The following NKAIN2 variants were observed in gnomAD, a reference collection of about 807,000 sequenced individuals.
NKAIN2 encodes the protein sodium/potassium-transporting ATPase subunit beta-1-interacting protein 2.
Under a neutral mutation model 32.6 loss-of-function variants are expected in NKAIN2, and 14 were observed. That is an observed-to-expected ratio of 0.43 (90% CI 0.28 to 0.67). The LOEUF is 0.67. Ranked by LOEUF, NKAIN2 falls within the 30% of genes least tolerant of loss-of-function variation. NKAIN2 has a pLI of 0.17. For missense variants in NKAIN2, 198 were observed against 258.3 expected (o/e 0.77, Z 1.60); for synonymous variants, 80 against 87.2 (o/e 0.92, Z 0.46).
At chr6:124,586,566 A>T (rs1450338129) in intron 3 of NKAIN2, among the ~76,000 whole-genome samples, 1 of 151,970 alleles carries the variant, frequency 6.6e-6, no homozygotes, top group Non-Finnish European at 1.5e-5. Context: ...CATGTAACAA[A>T]TCTGCACAGG....
At chr6:124,084,249 A>G (rs534983303) in intron 1 of NKAIN2, among the ~76,000 whole-genome samples, 2 of 152,110 alleles carry the variant, frequency 1.3e-5, no homozygotes, top group South Asian at 4.1e-4. Context: ...GCCATCTACC[A>G]CATAACGATT....
At chr6:123,940,583 G>A (rs73555207) in intron 1 of NKAIN2, among the ~76,000 whole-genome samples, 6,918 of 152,022 alleles carry the variant, frequency 0.046, 506 homozygotes, top group African/African-American at 0.15. Flanking sequence ...TATATTGTAG[G>A]CACTTGTAAC....
chr6:124,051,173 A>G (rs2114833678), intron 1 of NKAIN2, among the ~76,000 whole-genome samples: 1 of 152,142 alleles, frequency 6.6e-6, no homozygotes, highest in South Asian at 2.1e-4. Flanking sequence ...GTCATGGTGA[A>G]CTTTATAGAC....
At chr6:124,687,283 G>GT (rs1562324425) in intron 4 of NKAIN2, among the ~76,000 whole-genome samples, 23 of 138,998 alleles carry the variant, frequency 1.7e-4, no homozygotes, top group African/African-American at 6.1e-4. Flanking sequence ...TATAGAGAGA[G>GT]AATATATATA....
chr6:124,213,782 T>C (rs1359933545), intron 1 of NKAIN2, among the ~76,000 whole-genome samples: 1 of 152,152 alleles, frequency 6.6e-6, no homozygotes, highest in Non-Finnish European at 1.5e-5. Context: ...TTTTTCTTGC[T>C]TTTTACAAAA....
intron 4 of NKAIN2, among the ~76,000 whole-genome samples, chr6:124,760,103 C>A (rs535162141): frequency 5.3e-5 from 8 of 152,136 alleles, no homozygotes; most frequent in Admixed American, 1.3e-4. Context: ...AGATCATGTT[C>A]TTTGCAGGAA....
chr6:124,349,383 T>C (rs1266640127), intron 2 of NKAIN2, among the ~76,000 whole-genome samples: 2 of 152,074 alleles, frequency 1.3e-5, no homozygotes, highest in African/African-American at 2.4e-5. Flanking sequence ...CCCTTTTTAC[T>C]TGGCTGCCTC....
At chr6:124,135,724 G>A (rs1231495658) in intron 1 of NKAIN2, among the ~76,000 whole-genome samples, 1 of 151,856 alleles carries the variant, frequency 6.6e-6, no homozygotes, top group Non-Finnish European at 1.5e-5. Context: ...AACTCCAAAA[G>A]GAACCCTCAA....
intron 3 of NKAIN2, among the ~76,000 whole-genome samples, chr6:124,398,621 A>G (rs955972040): frequency 2.2e-4 from 34 of 152,178 alleles, no homozygotes; most frequent in Non-Finnish European, 4.3e-4. Context: ...GATGATTAAA[A>G]CTACAGGTGG....
At chr6:123,999,169 C>G (rs1779772924) in intron 1 of NKAIN2, among the ~76,000 whole-genome samples, 1 of 152,116 alleles carries the variant, frequency 6.6e-6, no homozygotes, top group African/African-American at 2.4e-5. Context: ...AAGGTTACAT[C>G]ATTTGGGTAT....
At chr6:124,196,164 AC>A (rs1202335134) in intron 1 of NKAIN2, among the ~76,000 whole-genome samples, 2 of 152,130 alleles carry the variant, frequency 1.3e-5, no homozygotes, top group African/African-American at 4.8e-5. Flanking sequence ...TAGCTCATTC[AC>A]ATTCATCATT....
intron 4 of NKAIN2, among the ~76,000 whole-genome samples, chr6:124,689,405 GCTTTT>G (rs1263056371): frequency 1.3e-5 from 2 of 151,926 alleles, no homozygotes; most frequent in African/African-American, 4.8e-5. Context: ...CCATACTGTT[GCTTTT>G]CTTTTCATTC....
chr6:124,285,674 A>G (rs1795505239), intron 2 of NKAIN2, among the ~76,000 whole-genome samples: 1 of 152,122 alleles, frequency 6.6e-6, no homozygotes, highest in Admixed American at 6.6e-5. Context: ...AACAAACTAC[A>G]GTTGACCCTT....
chr6:124,426,916 C>T (rs1371063273), intron 3 of NKAIN2, among the ~76,000 whole-genome samples: 1 of 152,150 alleles, frequency 6.6e-6, no homozygotes, highest in Non-Finnish European at 1.5e-5. Context: ...ATGTACCTTT[C>T]ACCTTCCACC....
intron 2 of NKAIN2, among the ~76,000 whole-genome samples, chr6:124,348,252 G>A (rs957810781): frequency 1.7e-4 from 26 of 151,922 alleles, no homozygotes; most frequent in Non-Finnish European, 2.2e-4. Context: ...CCCACTGGGG[G>A]GTGCCTCTCA....
intron 3 of NKAIN2, among the ~76,000 whole-genome samples, chr6:124,555,444 A>G (rs1780438586): frequency 6.6e-6 from 1 of 152,214 alleles, no homozygotes; most frequent in Admixed American, 6.5e-5. Context: ...ATAGCATACA[A>G]TAAAACTCTA....
Position 123,813,166 on chromosome 6 carries a change from A to G in NKAIN2, c.54+8912A>G, listed in dbSNP as rs548517861. On this transcript the variant is annotated intron_variant, in intron 1 of 6. Coordinates refer to ENST00000368417, the MANE Select transcript of NKAIN2 (RefSeq NM_001040214.3). ...GTTATAAGAACCTCTGCAAGCCACAATGAGAAGAGAAAATTATACTGGGGT... is the reference window on the plus strand; with the variant it reads ...GTTATAAGAACCTCTGCAAGCCACAGTGAGAAGAGAAAATTATACTGGGGT... Among the ~76,000 whole-genome samples, 8 of 152,348 alleles carry G rather than the reference A, an allele frequency of 5.3e-5. No individual in the cohort carries two copies. The East Asian group carries it at 7.7e-4, about 15-fold the overall frequency.
intron 1 of NKAIN2, among the ~76,000 whole-genome samples, chr6:123,819,178 C>T (rs187381715): frequency 6.8e-4 from 103 of 152,222 alleles, no homozygotes; most frequent in Non-Finnish European, 1.0e-3. Flanking sequence ...CAACAGGTCT[C>T]GTTAATAGAT....
chr6:124,058,847 T>G (rs1050303248), intron 1 of NKAIN2, among the ~76,000 whole-genome samples: 1 of 152,150 alleles, frequency 6.6e-6, no homozygotes, highest in Non-Finnish European at 1.5e-5. Flanking sequence ...CTGGCTGCTT[T>G]CTTGCTACCG....
Sources: gnomAD v4.1 joint callset for allele counts (sites outside exome capture counted in the v4.1 genomes callset) on GRCh38, gnomAD v4.1.1 for gene constraint, MANE v1.5 for transcripts, NCBI Gene and HGNC (gene_info 2026-07-23, HGNC 2026-07-21) for gene names.